Variants in APBA3 observed in about 807,000 individuals in gnomAD.
The protein encoded by APBA3 is amyloid-beta A4 precursor protein-binding family A member 3.
APBA3 carries 45 observed loss-of-function variants against 55.9 expected under a neutral mutation model. The observed-to-expected ratio is 0.80, with a 90% CI of 0.63 to 1.03. The LOEUF is 1.03. APBA3 is among the 50% of genes least tolerant of loss of function. The pLI, the probability that APBA3 is intolerant of heterozygous loss-of-function variation, is 0.00. For synonymous variants in APBA3, 370 were observed against 353.3 expected, an observed-to-expected ratio of 1.05 and a Z score of -0.53; for missense variants, 865 against 820.3, an observed-to-expected ratio of 1.05 and a Z score of -0.67.
chr19:3,753,089 C>A, intron 6 of APBA3, 99 bp from the exon 7 acceptor site: 1 of 1,387,682 alleles, frequency 7.2e-7, no homozygotes, highest in Non-Finnish European at 9.8e-7. Context: ...CTGTCCCCAC[C>A]TGGGGTGAGA....
chr19:3,753,744 C>A, intron 6 of APBA3, 21 bp downstream of exon 6: 2 of 1,488,528 alleles, frequency 1.3e-6, no homozygotes, highest in East Asian at 2.4e-5. Context: ...AGGAGGGTGG[C>A]CCCGCGCCCT....
chr19:3,761,139 C>A (rs900879507), intron 1 of APBA3, among the ~76,000 whole-genome samples: 4 of 152,078 alleles, frequency 2.6e-5, no homozygotes, highest in Non-Finnish European at 4.4e-5. Context: ...AGACCTCTCT[C>A]AACTAATGGA....
intron 6 of APBA3, 152 bp from the exon 7 acceptor site, chr19:3,753,142 G>A (rs1274888232): frequency 2.3e-6 from 2 of 869,054 alleles, no homozygotes; most frequent in Admixed American, 2.9e-5. Context: ...TGGGGGAGGT[G>A]GAGAGACAGC....
At chr19:3,753,199 T>G in intron 6 of APBA3, 1 of 607,222 alleles carries the variant, frequency 1.6e-6, no homozygotes. Flanking sequence ...GGGGCAGCCC[T>G]GGGCTGGGGG....
chr19:3,758,279 A>G (rs959573052), intron 3 of APBA3, among the ~76,000 whole-genome samples: 1 of 151,208 alleles, frequency 6.6e-6, no homozygotes, highest in Non-Finnish European at 1.5e-5. Context: ...TTTGAGACAG[A>G]GTCTCGCTCT....
chr19:3,761,478 C>G (rs1479781986), intron 1 of APBA3, 58 bp downstream of exon 1: 1 of 152,670 alleles, frequency 6.6e-6, no homozygotes, highest in Non-Finnish European at 1.5e-5. Context: ...AGTCCCCCCT[C>G]AGACCGAAGA....
In APBA3 at chr19:3,760,037, T is replaced by C; in HGVS notation, c.228A>G (p.Pro76=). ...ALPGDLVGPS[P]GGAPCPLHIA... ...TGTGTAGGGGACAGGGGGCTCCACC[T>C]GGGGATGGGCCCACCAGATCGCCTG... The change falls in exon 2 of 11, where the codon CCA becomes CCG. Residue 76 remains proline (P), a synonymous_variant. Transcript: ENST00000316757. 6.2e-7 allele frequency: 1 copy of C among 1,613,198 alleles called. No homozygotes were observed. Among genetic ancestry groups the C allele is most frequent in the African/African-American group, 1.3e-5 (1 of 75,056 alleles).
In APBA3 at chr19:3,760,245, G is replaced by A. The variant is rs765169072; in HGVS notation, c.20C>T (p.Ser7Phe). Residue 7 changes from serine to phenylalanine, a missense_variant, in exon 2 of 11, where the codon TCC becomes TTC. Ser to Phe is a radical substitution (Grantham distance 155, BLOSUM62 -2). Transcript: ENST00000316757. ...GGCTGGAGGCCCCGAAGGGGATCGG[G>A]AAATTGTGGGGAAGTCCATGCCTGG... MDFPTI[S>F]RSPSGPPAMD... 1.2e-6 allele frequency: 2 copies of A among 1,602,144 alleles called. No individual in the cohort carries two copies. Among genetic ancestry groups the A allele is most frequent in the African/African-American group, 2.7e-5 (2 of 74,648 alleles).
chr19:3,758,525 C>G (rs2037105578), intron 3 of APBA3, among the ~76,000 whole-genome samples: 3 of 152,154 alleles, frequency 2.0e-5, no homozygotes, highest in African/African-American at 7.2e-5. Context: ...TCCCAAAGAG[C>G]TGGGATTACA....
At position 3,752,704 on chromosome 19, in the gene APBA3, C is replaced by G. The variant is rs546546787; in HGVS notation, c.1199G>C (p.Arg400Pro). ...GGCCACGCCCAGGCCCTCCCCTCGCCGCTTCTCGAGGTGCACCTGGGACAC... is the reference window on the plus strand; with the variant it reads ...GGCCACGCCCAGGCCCTCCCCTCGCGGCTTCTCGAGGTGCACCTGGGACAC... ...DNCREVHLEK[R>P]RGEGLGVALV... Residue 400 changes from arginine to proline, a missense_variant, in exon 8 of 11, where the codon CGG (arginine) becomes CCG (proline). Transcript: ENST00000316757. 1.3e-6 allele frequency: 2 copies of G among 1,597,388 alleles called. No individual in the cohort carries two copies.
At chr19:3,757,657 G>A (rs957640528) in intron 3 of APBA3, among the ~76,000 whole-genome samples, 3 of 152,094 alleles carry the variant, frequency 2.0e-5, no homozygotes, top group South Asian at 2.1e-4. Flanking sequence ...ACTTGAATCC[G>A]GGCGGCAGAG....
At position 3,753,913 on chromosome 19, in the gene APBA3, T is replaced by C. The variant is rs1020254320; in HGVS notation, c.863A>G (p.Asp288Gly). ...GTAGGAGATGGTATGCAGGGCGTGG[T>C]CCATCATGGCCTCCTGGGGCGGGAG... ...LTADSQEAMMDHALHTISYTA... is the reference protein window; with the variant it reads ...LTADSQEAMMGHALHTISYTA... The change falls in exon 6 of 11, where the codon GAC (aspartate) becomes GGC (glycine). Residue 288 changes from aspartate to glycine, a missense_variant. By Grantham distance (94) the Asp-to-Gly change is moderately conservative. Coordinates refer to ENST00000316757, the MANE Select transcript of APBA3 (RefSeq NM_004886.4). 7 of 1,555,574 alleles carry C rather than the reference T, an allele frequency of 4.5e-6. No homozygotes were observed. Among genetic ancestry groups the C allele is most frequent in the Non-Finnish European group, 5.2e-6 (6 of 1,148,788 alleles).
Position 3,752,877 on chromosome 19 carries a change from G to A in APBA3, c.1125C>T (p.Ala375=). The A allele has an allele frequency of 1.2e-6, 2 of 1,613,376 alleles. No individual in the cohort carries two copies. Among genetic ancestry groups the A allele is most frequent in the African/African-American group, 1.3e-5 (1 of 75,046 alleles). ...SQVGVHPSPG[A]CHLHNGDLDH... is the part of the protein sequence containing the mutation. ...CCAGGTCCCCATTATGGAGGTGGCA[G>A]GCGCCTGGGCTCGGGTGCACGCCCA... The change falls in exon 7 of 11, where the codon GCC becomes GCT. Residue 375 remains alanine (A), a synonymous_variant. Coordinates refer to ENST00000316757, the MANE Select transcript of APBA3 (RefSeq NM_004886.4).
In APBA3 at chr19:3,760,684, G is replaced by T. The variant is rs529102810; in HGVS notation, c.-37-383C>A. Reference sequence around the variant, plus strand: ...GAATCGCCTGAACCCGGGAGGCGGAGGTTGCAGTGAGCTGAGATCGCGCCA... The same window carrying T: ...GAATCGCCTGAACCCGGGAGGCGGATGTTGCAGTGAGCTGAGATCGCGCCA... On this transcript the variant is annotated intron_variant, in intron 1 of 10. Coordinates refer to ENST00000316757, the MANE Select transcript of APBA3 (RefSeq NM_004886.4). Among the ~76,000 whole-genome samples the T allele has an allele frequency of 4.6e-5, 7 of 151,856 alleles. No individual in the cohort carries two copies. The South Asian group carries it at 1.5e-3, about 32-fold the overall frequency.
chr19:3,760,169 G>T lies in APBA3; in HGVS notation c.96C>A (p.Thr32=). The T allele has an allele frequency of 6.2e-7, 1 of 1,613,282 alleles. No homozygotes were observed. The highest frequency in any genetic ancestry group is 1.1e-5 in the South Asian group (1 of 91,084). Reference sequence around the variant, plus strand: ...GCATAGGGTCCCACTGGCTGTCAGGGGTGAGGTCCTCCGAAGGCACAAGAA... The same window carrying T: ...GCATAGGGTCCCACTGGCTGTCAGGTGTGAGGTCCTCCGAAGGCACAAGAA... ...RDILVPSEDL[T]PDSQWDPMPG... is the part of the protein sequence containing the mutation. The change falls in exon 2 of 11, where the codon ACC becomes ACA. Residue 32 remains threonine (T), a synonymous_variant. Coordinates refer to ENST00000316757, the MANE Select transcript of APBA3 (RefSeq NM_004886.4).
At chr19:3,755,697 G>C (rs1268768030) in intron 3 of APBA3, 1 of 151,932 alleles carries the variant, frequency 6.6e-6, no homozygotes, top group East Asian at 1.9e-4. Flanking sequence ...CTTGAAAGCT[G>C]AGGCGGGAGA....
rs568194275 is a variant in APBA3 at position 3,758,650 on chromosome 19, C to T, written c.616+911G>A. Among the ~76,000 whole-genome samples the T allele has an allele frequency of 2.5e-3, 386 of 152,212 alleles. 2 individuals carry two copies. The highest frequency in any genetic ancestry group is 8.8e-3 in the African/African-American group (366 of 41,540). On this transcript the variant is annotated intron_variant, in intron 3 of 10. Coordinates refer to ENST00000316757, the MANE Select transcript of APBA3 (RefSeq NM_004886.4). ...ATCCTAGCACTTTAGGAGGCCAAGGCGGGCGGATCACAAGGTCAGGAGTTC... is the reference window on the plus strand; with the variant it reads ...ATCCTAGCACTTTAGGAGGCCAAGGTGGGCGGATCACAAGGTCAGGAGTTC...
intron 7 of APBA3, 48 bp from the exon 8 acceptor site, chr19:3,752,768 G>A: frequency 1.2e-6 from 2 of 1,608,948 alleles, no homozygotes; most frequent in South Asian, 1.1e-5. Context: ...GCCCGGTGCA[G>A]GTGCACGGGT....
intron 3 of APBA3, chr19:3,755,441 G>T (rs1415243724): frequency 6.6e-6 from 1 of 151,722 alleles, no homozygotes; most frequent in African/African-American, 2.4e-5. Flanking sequence ...AAACAATTCT[G>T]TTCCAGGAGA....
Sources: gnomAD v4.1 joint callset for allele counts (sites outside exome capture counted in the v4.1 genomes callset) on GRCh38, gnomAD v4.1.1 for gene constraint, MANE v1.5 for transcripts, NCBI Gene and HGNC (gene_info 2026-07-23, HGNC 2026-07-21) for gene names.